The following RNF19A variants were observed in gnomAD, a reference collection of about 807,000 sequenced individuals.
The protein encoded by RNF19A is ring finger protein 19A, RBR E3 ubiquitin protein ligase, also known as E3 ubiquitin-protein ligase RNF19A.
Under a neutral mutation model 75.7 loss-of-function variants are expected in RNF19A, and 32 were observed. The observed-to-expected ratio is 0.42, with a 90% CI of 0.32 to 0.57. The LOEUF (loss-of-function observed/expected upper bound fraction) is 0.57. Ranked by LOEUF, RNF19A falls within the 20% of genes least tolerant of loss-of-function variation. The probability of loss-of-function intolerance (pLI) is 0.10; values close to 1 mark genes in which losing one functional copy is unlikely to be tolerated. For synonymous variants in RNF19A, 335 were observed against 345.2 expected (o/e 0.97, Z 0.33); for missense variants, 782 against 1,036.3 (o/e 0.75, Z 3.37).
chr8:100,269,984 C>G lies in RNF19A; in HGVS notation c.913G>C (p.Ala305Pro), dbSNP rs1820176073. The G allele has an allele frequency of 1.9e-6, 3 of 1,605,280 alleles. No homozygotes were observed. The highest frequency in any genetic ancestry group is 3.4e-5 in the Admixed American group (2 of 58,658). Reference sequence around the variant, plus strand: ...TCATTCATCTTTATTATATAAGCAGCACATCGTGGACATGGCTTTATATCA... The same window carrying G: ...TCATTCATCTTTATTATATAAGCAGGACATCGTGGACATGGCTTTATATCA... ...ADDIKPCPRCAAYIIKMNDGS... is the reference protein window; with the variant it reads ...ADDIKPCPRCPAYIIKMNDGS... The change falls in exon 4 of 10, where the codon GCT becomes CCT. Residue 305 changes from alanine to proline, a missense_variant. By Grantham distance (27) the Ala-to-Pro change is conservative (BLOSUM62 -1). Around this residue, in one of 7 missense-constraint regions of RNF19A, gnomAD observed 31 missense variants for 48.8 expected, o/e 0.64. Transcript: ENST00000341084. This position sits in a 1 kb window ranked among gnomAD's most constrained non-coding sequence, Gnocchi z 5.7.
chr8:100,327,595 ACTCT>A (rs1047426074), intron 1 of RNF19A, among the ~76,000 whole-genome samples: 2 of 149,438 alleles, frequency 1.3e-5, no homozygotes, highest in Admixed American at 1.3e-4. Flanking sequence ...TTCTTGAAAA[ACTCT>A]CTCCTATAGG....
chr8:100,261,579 T>A lies in RNF19A; in HGVS notation c.1645A>T (p.Ser549Cys). Residue 549 changes from serine to cysteine, a missense_variant, in exon 8 of 10, where the codon AGT becomes TGT. Ser to Cys is a moderately radical substitution (Grantham distance 112). Around this residue, in one of 7 missense-constraint regions of RNF19A, gnomAD observed 442 missense variants for 541.6 expected, o/e 0.82. Transcript: ENST00000341084. The surrounding 1 kb of genome is among the most constrained non-coding windows in gnomAD (Gnocchi z 4.4). ...TTTACCATGGCACTTCCTGACAGAC[T>A]CCCCGTTATACTGGCTCCAGCTAGT... ...MALAGASITG[S>C]LSGSAMVNCF... 2 of 1,614,002 alleles carry A rather than the reference T, an allele frequency of 1.2e-6. No individual in the cohort carries two copies. Among genetic ancestry groups the A allele is most frequent in the South Asian group, 2.2e-5 (2 of 91,062 alleles).
At chr8:100,268,764 A>G in intron 5 of RNF19A, 21 bp downstream of exon 5, 1 of 1,508,498 alleles carries the variant, frequency 6.6e-7, no homozygotes, top group Non-Finnish European at 9.0e-7. Context: ...ATAATGGACT[A>G]ACAAGAAGTA....
In RNF19A at chr8:100,267,678, C is replaced by CTT. The variant is rs34590798; in HGVS notation, c.1191+1105_1191+1106dup. Among the ~76,000 whole-genome samples the CTT allele has an allele frequency of 1.3e-3, 177 of 138,664 alleles. 2 individuals carry two copies. The highest frequency in any genetic ancestry group is 6.3e-3 in the South Asian group (27 of 4,270). 91.0% of individuals were successfully genotyped at this position (138,664 alleles called of 152,430 possible). ...AGCCACCATGCCCAGCTTGTTAGTT[C>CTT]TTTTTTTTTTTTTTTGAGATGGAGT... On this transcript the variant is annotated intron_variant, in intron 5 of 9. Transcript: ENST00000341084.
chr8:100,299,429 T>G (rs1175674609), intron 1 of RNF19A, among the ~76,000 whole-genome samples: 1 of 152,242 alleles, frequency 6.6e-6, no homozygotes, highest in Non-Finnish European at 1.5e-5. Context: ...CCAAGTCTCA[T>G]GATTAATGTG....
At chr8:100,309,602 G>A in intron 1 of RNF19A, 2 of 956,956 alleles carry the variant, frequency 2.1e-6, no homozygotes, top group Non-Finnish European at 2.5e-6. Context: ...GCTCCACCTC[G>A]GCCCCCGCGG....
rs1179646474 is a variant in RNF19A, at chr8:100,330,232, G to T, written c.-243+5876C>A. ...TCTCCAAAGCCTCTTTCTAATTTTT[G>T]TTAAGGAAGGGAACAACTGTCGTTT... On this transcript the variant is annotated intron_variant, in intron 1 of 3. Coordinates refer to the RNF19A transcript ENST00000519527. The surrounding 1 kb of genome is among the most constrained non-coding windows in gnomAD (Gnocchi z 4.1). Among the ~76,000 whole-genome samples, 1 of 152,108 alleles carries T rather than the reference G, an allele frequency of 6.6e-6. No individual in the cohort carries two copies. The highest frequency in any genetic ancestry group is 1.5e-5 in the Non-Finnish European group (1 of 68,004).
Position 100,259,412 on chromosome 8 carries a change from C to CT in RNF19A, c.1827-167dup. On this transcript the variant is annotated intron_variant, in intron 9 of 9. Coordinates refer to ENST00000341084, the MANE Select transcript of RNF19A (RefSeq NM_183419.4). This position sits in a 1 kb window ranked among gnomAD's most constrained non-coding sequence, Gnocchi z 4.5. Reference sequence around the variant, plus strand: ...AAAACATACTTGATATAACAGAACTCTTTATAATGCTTCAATGTTTTAAAA... The same window carrying CT: ...AAAACATACTTGATATAACAGAACTCTTTTATAATGCTTCAATGTTTTAAAA... The CT allele has an allele frequency of 1.6e-6, 1 of 608,072 alleles. No individual in the cohort carries two copies. The highest frequency in any genetic ancestry group is 2.9e-6 in the Non-Finnish European group (1 of 348,190). 37.7% of individuals were successfully genotyped at this position (608,072 alleles called of 1,614,324 possible). A position where few individuals can be genotyped will look rare whatever the true frequency, so the allele number is the denominator to read the frequency against.
Position 100,323,922 on chromosome 8 carries a change from T to A in RNF19A, c.-242-10550A>T, listed in dbSNP as rs1822495131. Among the ~76,000 whole-genome samples the A allele has an allele frequency of 6.6e-6, 1 of 152,176 alleles. No individual in the cohort carries two copies. The highest frequency in any genetic ancestry group is 1.5e-5 in the Non-Finnish European group (1 of 68,020). ...AAAGTAAGATTTTTAAATGGTTGGA[T>A]AACTCAGCAAGGGAGAAAAATTTAT... On this transcript the variant is annotated intron_variant, in intron 1 of 3. Transcript: ENST00000519527. The surrounding 1 kb of genome is among the most constrained non-coding windows in gnomAD (Gnocchi z 4.6).
chr8:100,262,313 G>T (rs1284410252), intron 7 of RNF19A, among the ~76,000 whole-genome samples: 1 of 152,156 alleles, frequency 6.6e-6, no homozygotes. Context: ...GTGATGAAAA[G>T]TGCATGTACG....
rs1168685546 is a variant in RNF19A at position 100,264,720 on chromosome 8, A to G, written c.1257T>C (p.Gly419=). Residue 419 remains glycine (G), a synonymous_variant, in exon 6 of 10, where the codon GGT becomes GGC. Coordinates refer to ENST00000341084, the MANE Select transcript of RNF19A (RefSeq NM_183419.4). The surrounding 1 kb of genome is among the most constrained non-coding windows in gnomAD (Gnocchi z 4.7). ...KHKRNLAIAG[G]VTLSVIVSPV... ...GAGACACGATTACAGACAACGTTAC[A>G]CCACCTGCTATGGCCAAATTCCGTT... 6.2e-7 allele frequency: 1 copy of G among 1,613,736 alleles called. No individual in the cohort carries two copies. Among genetic ancestry groups the G allele is most frequent in the Non-Finnish European group, 8.5e-7 (1 of 1,179,732 alleles).
Position 100,317,629 on chromosome 8 carries a change from C to T in RNF19A, c.-242-4257G>A, listed in dbSNP as rs1416528120. Among the ~76,000 whole-genome samples, 1 of 152,186 alleles carries T rather than the reference C, an allele frequency of 6.6e-6. No individual in the cohort carries two copies. Among genetic ancestry groups the T allele is most frequent in the African/African-American group, 2.4e-5 (1 of 41,442 alleles). On this transcript the variant is annotated intron_variant, in intron 1 of 3. Transcript: ENST00000519527. The surrounding 1 kb of genome is among the most constrained non-coding windows in gnomAD (Gnocchi z 4.3). ...TGTTTGACTGACTCACAGGCAAGCC[C>T]ACACTGTGCTGGTGACCTGGACCAG...
At position 100,331,573 on chromosome 8, in the gene RNF19A, G is replaced by C. The variant is rs1045991674; in HGVS notation, c.-243+4535C>G. Among the ~76,000 whole-genome samples, 1 of 152,174 alleles carries C rather than the reference G, an allele frequency of 6.6e-6. No homozygotes were observed. Among genetic ancestry groups the C allele is most frequent in the Non-Finnish European group, 1.5e-5 (1 of 68,040 alleles). On this transcript the variant is annotated intron_variant, in intron 1 of 3. Coordinates refer to the RNF19A transcript ENST00000519527. This position sits in a 1 kb window ranked among gnomAD's most constrained non-coding sequence, Gnocchi z 5.2. ...GATTGCTTGAGCCCAGGATGTCAAA[G>C]CTGCAGTGAGTCATGACTGTGCCAC...
rs576574286 is a variant in RNF19A, at chr8:100,269,594, A to G, written c.1028+275T>C. On this transcript the variant is annotated intron_variant, in intron 4 of 9. Transcript: ENST00000341084. The surrounding 1 kb of genome is among the most constrained non-coding windows in gnomAD (Gnocchi z 5.7). ...AATTTATGTATGGGAAAATTAAATGAAAGTATTTATGGGTCTAGCATAATT... is the reference window on the plus strand; with the variant it reads ...AATTTATGTATGGGAAAATTAAATGGAAGTATTTATGGGTCTAGCATAATT... Among the ~76,000 whole-genome samples the G allele has an allele frequency of 6.6e-6, 1 of 152,190 alleles. No individual in the cohort carries two copies. Among genetic ancestry groups the G allele is most frequent in the Non-Finnish European group, 1.5e-5 (1 of 68,008 alleles).
At chr8:100,266,767 C>G (rs1820001398) in intron 5 of RNF19A, among the ~76,000 whole-genome samples, 1 of 152,086 alleles carries the variant, frequency 6.6e-6, no homozygotes, top group South Asian at 2.1e-4. Flanking sequence ...CCCTCCTCAC[C>G]CTCCCCAAGT....
At position 100,268,923 on chromosome 8, in the gene RNF19A, C is replaced by T. The variant is rs748726793; in HGVS notation, c.1053G>A (p.Gly351=). The change falls in exon 5 of 10, where the codon GGG becomes GGA. Residue 351 remains glycine (G), a synonymous_variant. Transcript: ENST00000341084. ...TCTTCTTTCGGCTCCAGGGTTTCTT[C>T]CCCCAAAAAGTACATCCTGATGGAC... ...YLSPSGCTFW[G]KKPWSRKKKI... 8 of 1,591,008 alleles carry T rather than the reference C, an allele frequency of 5.0e-6. No homozygotes were observed. The Admixed American group carries it at 8.7e-5, about 17-fold the overall frequency.
In RNF19A at chr8:100,288,116, G is replaced by C. The variant is rs1227362328; in HGVS notation, c.59C>G (p.Thr20Ser). The C allele has an allele frequency of 6.2e-7, 1 of 1,613,990 alleles. No individual in the cohort carries two copies. Among genetic ancestry groups the C allele is most frequent in the South Asian group, 1.1e-5 (1 of 91,032 alleles). Residue 20 changes from threonine to serine, a missense_variant, in exon 2 of 10, where the codon ACT becomes AGT. This residue lies in a region of RNF19A where 148 missense variants were observed against 147.9 expected (regional missense o/e 1.00). Coordinates refer to ENST00000341084, the MANE Select transcript of RNF19A (RefSeq NM_183419.4). The stretch of plus-strand genomic sequence containing the variant: ...GCTTGTTAGAATTGAGACAGGGTCA[G>C]TGTTTACACACAGCCCTTCATTATA... ...SKYNEGLCVN[T>S]DPVSILTSIL...
chr8:100,328,175 A>G (rs1034386971), intron 1 of RNF19A, among the ~76,000 whole-genome samples: 1 of 152,114 alleles, frequency 6.6e-6, no homozygotes, highest in Admixed American at 6.5e-5. Flanking sequence ...GGAAGACTCC[A>G]CCTTCTGCCA....
At chr8:100,274,865 AG>A (rs1302584207) in intron 3 of RNF19A, 87 bp downstream of exon 3, 2 of 1,041,236 alleles carry the variant, frequency 1.9e-6, no homozygotes, top group Admixed American at 5.1e-5. Context: ...GGCAAGTGAA[AG>A]GAAAACAGGA....
Sources: gnomAD v4.1 joint callset for allele counts (sites outside exome capture counted in the v4.1 genomes callset) on GRCh38, gnomAD v4.1.1 for gene constraint, gnomAD v4.1.1 regional missense constraint, Gnocchi (gnomAD v3.1) non-coding constraint, MANE v1.5 for transcripts, NCBI Gene and HGNC (gene_info 2026-07-23, HGNC 2026-07-21) for gene names.